Variants in KLHL29 observed in about 807,000 individuals in gnomAD.
KLHL29 encodes the protein kelch-like protein 29.
KLHL29 carries 21 observed loss-of-function variants against 80.4 expected under a neutral mutation model. The ratio of observed to expected loss-of-function variants is 0.26; its 90% CI spans 0.19 to 0.38. KLHL29 has a LOEUF of 0.38. Among genes scored for constraint, KLHL29 ranks in the 10% least tolerant of loss-of-function variants. The probability of loss-of-function intolerance (pLI) is 1.00; values close to 1 mark genes in which losing one functional copy is unlikely to be tolerated. For synonymous variants in KLHL29, 511 were observed against 526.8 expected (o/e 0.97, Z 0.41); for missense variants, 867 against 1,223.9 (o/e 0.71, Z 4.35).
At chr2:23,593,705 A>G (rs1208564676) in intron 3 of KLHL29, among the ~76,000 whole-genome samples, 2 of 152,198 alleles carry the variant, frequency 1.3e-5, no homozygotes, top group Non-Finnish European at 2.9e-5. Flanking sequence ...CCTAAAACCC[A>G]GCTGTGAAAT....
chr2:23,457,007 G>A lies in KLHL29; in HGVS notation c.-153-18553G>A, dbSNP rs538465898. ...GCTACATGGAAGGGAGCAGGGTGGC[G>A]GCATCTCAGGTGTCAGGGCCGGAGC... is the stretch of plus-strand genomic sequence containing the variant. On this transcript the variant is annotated intron_variant, in intron 1 of 13. Coordinates refer to ENST00000486442, the MANE Select transcript of KLHL29 (RefSeq NM_052920.2). This position sits in a 1 kb window ranked among gnomAD's most constrained non-coding sequence, Gnocchi z 4.3. Among the ~76,000 whole-genome samples the A allele has an allele frequency of 1.3e-5, 2 of 152,298 alleles. No homozygotes were observed. Among genetic ancestry groups the A allele is most frequent in the African/African-American group, 2.4e-5 (1 of 41,560 alleles).
At chr2:23,593,263 G>A (rs1326412807) in intron 3 of KLHL29, among the ~76,000 whole-genome samples, 1 of 152,210 alleles carries the variant, frequency 6.6e-6, no homozygotes, top group Admixed American at 6.5e-5. Context: ...AAGAAAATCA[G>A]TCACTGATCC....
intron 3 of KLHL29, among the ~76,000 whole-genome samples, chr2:23,630,078 C>T (rs1038247350): frequency 2.0e-5 from 3 of 152,180 alleles, no homozygotes; most frequent in East Asian, 1.9e-4. Context: ...GAAATGCTCC[C>T]GTATTTGGCA....
rs148713291 is a variant in KLHL29 at position 23,649,746 on chromosome 2, G to A, written c.940+6896G>A. Among the ~76,000 whole-genome samples, 341 of 152,378 alleles carry A rather than the reference G, an allele frequency of 2.2e-3. 1 individual carries two copies. Among genetic ancestry groups the A allele is most frequent in the African/African-American group, 7.4e-3 (306 of 41,594 alleles). The stretch of plus-strand genomic sequence containing the variant: ...ATGGGGATGAGAGGGCTGTTCAGAC[G>A]AGAGCCAAGGGTGGGAACATTTCCT... On this transcript the variant is annotated intron_variant, in intron 5 of 13. Transcript: ENST00000486442.
chr2:23,570,776 A>T (rs1408085352), intron 3 of KLHL29, among the ~76,000 whole-genome samples: 2 of 152,252 alleles, frequency 1.3e-5, no homozygotes, highest in African/African-American at 4.8e-5. Context: ...CCAATTGCTC[A>T]TGCTTTCAGA....
rs1212869213 is a variant in KLHL29 at position 23,680,031 on chromosome 2, C to A, written c.941-4368C>A. 1.3e-5 allele frequency among the ~76,000 whole-genome samples: 2 copies of A among 152,134 alleles called. No individual in the cohort carries two copies. Among genetic ancestry groups the A allele is most frequent in the Non-Finnish European group, 2.9e-5 (2 of 68,012 alleles). ...AGACCTCCCAGAGGGCTGTGCTGCCCCTTCAGCCCCGAAGGATTTGTGTGG... is the reference window on the plus strand; with the variant it reads ...AGACCTCCCAGAGGGCTGTGCTGCCACTTCAGCCCCGAAGGATTTGTGTGG... On this transcript the variant is annotated intron_variant, in intron 5 of 13. Coordinates refer to ENST00000486442, the MANE Select transcript of KLHL29 (RefSeq NM_052920.2). The surrounding 1 kb of genome is among the most constrained non-coding windows in gnomAD (Gnocchi z 4.1).
At chr2:23,434,314 C>A (rs1663274508) in intron 1 of KLHL29, among the ~76,000 whole-genome samples, 1 of 120,940 alleles carries the variant, frequency 8.3e-6, no homozygotes, top group South Asian at 3.0e-4. Context: ...CAGCGAGACT[C>A]CGTCTCAAAA....
intron 1 of KLHL29, among the ~76,000 whole-genome samples, chr2:23,401,764 C>G (rs1238694269): frequency 2.6e-5 from 4 of 152,194 alleles, no homozygotes; most frequent in Non-Finnish European, 5.9e-5. Context: ...TGGACTGAGG[C>G]TACCCTCAGC....
intron 5 of KLHL29, among the ~76,000 whole-genome samples, chr2:23,649,793 G>A (rs552459595): frequency 6.6e-6 from 1 of 152,334 alleles, no homozygotes; most frequent in Non-Finnish European, 1.5e-5. Context: ...TCAGGTGATG[G>A]TGCTGACCCG....
chr2:23,525,806 G>A (rs767028593), intron 2 of KLHL29, among the ~76,000 whole-genome samples: 5 of 150,430 alleles, frequency 3.3e-5, no homozygotes, highest in East Asian at 4.0e-4. Context: ...TGCGCAGGAC[G>A]CCCAGTTGCC....
chr2:23,413,427 A>G (rs1205992049), intron 1 of KLHL29, among the ~76,000 whole-genome samples: 1 of 152,222 alleles, frequency 6.6e-6, no homozygotes, highest in Non-Finnish European at 1.5e-5. Flanking sequence ...CACTCCAGAC[A>G]TGGACGTGGG....
chr2:23,403,726 AGTGTGTGTGTGT>A (rs36116395), intron 1 of KLHL29, among the ~76,000 whole-genome samples: 4 of 144,010 alleles, frequency 2.8e-5, no homozygotes, highest in South Asian at 2.3e-4. Flanking sequence ...AGAGAGAGAG[AGTGTGTGTGTGT>A]GTGTGTGTGT....
At chr2:23,617,964 A>G (rs909701822) in intron 3 of KLHL29, 9 of 152,126 alleles carry the variant, frequency 5.9e-5, no homozygotes, top group African/African-American at 2.2e-4. Flanking sequence ...TGAGGAAGCA[A>G]GTGAGGCAGA....
chr2:23,654,695 T>G (rs868487938), intron 5 of KLHL29, among the ~76,000 whole-genome samples: 15 of 34,240 alleles, frequency 4.4e-4, no homozygotes, highest in Non-Finnish European at 5.2e-4. Context: ...GGAACAGAGG[T>G]TGGGGGGGGG....
chr2:23,549,858 G>T (rs1294755041), intron 2 of KLHL29, among the ~76,000 whole-genome samples: 2 of 152,230 alleles, frequency 1.3e-5, no homozygotes, highest in African/African-American at 2.4e-5. Context: ...TGCATGGCGG[G>T]CAGAGCTGGG....
rs116084629 is a variant in KLHL29 at position 23,462,227 on chromosome 2, C to T, written c.-153-13333C>T. 1.7e-3 allele frequency among the ~76,000 whole-genome samples: 259 copies of T among 152,244 alleles called. 2 individuals are homozygous for T. The highest frequency in any genetic ancestry group is 6.0e-3 in the African/African-American group (248 of 41,538). On this transcript the variant is annotated intron_variant, in intron 1 of 13. Transcript: ENST00000486442. ...TGTAGGCTTTTAAATACATGTGTCTCTCTCTTTTTGAAAACATTGGCAGAG... is the reference window on the plus strand; with the variant it reads ...TGTAGGCTTTTAAATACATGTGTCTTTCTCTTTTTGAAAACATTGGCAGAG...
chr2:23,543,466 AT>A (rs1302484716), intron 2 of KLHL29, among the ~76,000 whole-genome samples: 1 of 151,978 alleles, frequency 6.6e-6, no homozygotes, highest in Non-Finnish European at 1.5e-5. Flanking sequence ...GGATATTGTT[AT>A]TTTTCTTGTT....
chr2:23,687,495 G>A (rs551583941), intron 6 of KLHL29, among the ~76,000 whole-genome samples: 112 of 152,312 alleles, frequency 7.4e-4, no homozygotes, highest in African/African-American at 2.5e-3. Flanking sequence ...TCACTGGCTC[G>A]TCACTCAGCA....
intron 3 of KLHL29, among the ~76,000 whole-genome samples, chr2:23,597,542 G>C (rs193219176): frequency 6.8e-6 from 1 of 146,740 alleles, no homozygotes; most frequent in Non-Finnish European, 1.5e-5. Flanking sequence ...TCCTGCCTCA[G>C]CCTCACAAGT....
Sources: allele counts gnomAD v4.1 joint callset (sites outside exome capture counted in the v4.1 genomes callset), GRCh38; gene constraint gnomAD v4.1.1; non-coding constraint Gnocchi (gnomAD v3.1); transcripts MANE v1.5; gene names NCBI Gene and HGNC (gene_info 2026-07-23, HGNC 2026-07-21).